Variants in ZNF804B observed in about 807,000 individuals in gnomAD.
The protein encoded by ZNF804B is zinc finger protein 804B, also known as zinc finger 804B.
A neutral mutation model predicts 101.4 loss-of-function variants in ZNF804B; 80 were observed. The observed-to-expected ratio is 0.79, with a 90% CI of 0.66 to 0.95. The LOEUF is 0.95. Ranked by LOEUF, ZNF804B falls within the 40% of genes least tolerant of loss-of-function variation. The pLI is 0.00. For missense variants in ZNF804B, 1,673 were observed against 1,561.9 expected, an observed-to-expected ratio of 1.07 and a Z score of -1.20; for synonymous variants, 622 against 558.8, an observed-to-expected ratio of 1.11 and a Z score of -1.59.
intron 2 of ZNF804B, among the ~76,000 whole-genome samples, chr7:89,290,591 G>A (rs1240891345): frequency 3.9e-5 from 6 of 152,046 alleles, no homozygotes; most frequent in Admixed American, 3.9e-4. Context: ...ACTCCCCGGG[G>A]GTCTGTAGTG....
intron 1 of ZNF804B, among the ~76,000 whole-genome samples, chr7:88,944,011 A>G (rs574427256): frequency 2.0e-4 from 31 of 151,944 alleles, no homozygotes; most frequent in African/African-American, 7.2e-4. Flanking sequence ...TTTGTTAGAC[A>G]TTTAGGTTAT....
intron 1 of ZNF804B, among the ~76,000 whole-genome samples, chr7:89,041,049 C>T (rs555985287): frequency 1.6e-3 from 236 of 151,282 alleles, no homozygotes; most frequent in Non-Finnish European, 2.5e-3. Context: ...CTGGGGTAGG[C>T]CTGAACCCTG....
chr7:89,138,351 G>A (rs541576923), intron 1 of ZNF804B, among the ~76,000 whole-genome samples: 8 of 152,168 alleles, frequency 5.3e-5, no homozygotes, highest in East Asian at 1.9e-4. Context: ...TGTGAGATAC[G>A]GAGTCAAAGG....
intron 1 of ZNF804B, among the ~76,000 whole-genome samples, chr7:89,122,972 C>A (rs1174563709): frequency 6.6e-6 from 1 of 152,068 alleles, no homozygotes; most frequent in Non-Finnish European, 1.5e-5. Flanking sequence ...CTATTGCCAT[C>A]CCAATCTCTA....
chr7:89,335,465 G>C lies in ZNF804B; in HGVS notation c.2483G>C (p.Cys828Ser). ...SGLKSTRIIY[C>S]DSNSQISCTG... ...CTAAAATCTACGAGAATCATCTATT[G>C]TGATTCTAACTCACAGATTTCCTGT... Residue 828 changes from cysteine (C) to serine (S), a missense_variant, in exon 4 of 4, where the codon TGT becomes TCT. By Grantham distance (112) the Cys-to-Ser change is moderately radical. Coordinates refer to ENST00000333190, the MANE Select transcript of ZNF804B (RefSeq NM_181646.5). 6.2e-7 allele frequency: 1 copy of C among 1,613,960 alleles called. No individual in the cohort carries two copies. Among genetic ancestry groups the C allele is most frequent in the Non-Finnish European group, 8.5e-7 (1 of 1,179,962 alleles).
chr7:88,921,874 AATTG>A (rs1019976341), intron 1 of ZNF804B, among the ~76,000 whole-genome samples: 4 of 152,064 alleles, frequency 2.6e-5, no homozygotes, highest in Admixed American at 6.6e-5. Flanking sequence ...ACATTTAAAA[AATTG>A]ATTGGGGTTA....
intron 1 of ZNF804B, among the ~76,000 whole-genome samples, chr7:89,132,468 A>G (rs926269960): frequency 2.6e-5 from 4 of 152,012 alleles, no homozygotes. Context: ...GGACTAGGGA[A>G]GCAGCATAGC....
intron 1 of ZNF804B, among the ~76,000 whole-genome samples, chr7:88,977,918 G>GTA (rs2116126005): frequency 6.6e-6 from 1 of 151,216 alleles, no homozygotes; most frequent in South Asian, 2.1e-4. Context: ...CATAGATTTT[G>GTA]TGTGTTGTGT....
chr7:89,293,345 T>C (rs1359096723), intron 2 of ZNF804B, among the ~76,000 whole-genome samples: 1 of 152,162 alleles, frequency 6.6e-6, no homozygotes, highest in African/African-American at 2.4e-5. Flanking sequence ...CATATATACA[T>C]GTATGAAAAT....
intron 1 of ZNF804B, among the ~76,000 whole-genome samples, chr7:89,118,997 A>AT (rs1003819419): frequency 2.0e-5 from 3 of 152,132 alleles, no homozygotes; most frequent in Admixed American, 6.5e-5. Context: ...TCAAAGTCAG[A>AT]TTTTTTTCAT....
chr7:89,185,586 C>T (rs1788364309), intron 1 of ZNF804B, among the ~76,000 whole-genome samples: 1 of 152,108 alleles, frequency 6.6e-6, no homozygotes, highest in South Asian at 2.1e-4. Context: ...TCTGGTCGGG[C>T]GCGGTGGCTC....
At chr7:89,270,243 T>A (rs1789870273) in intron 2 of ZNF804B, among the ~76,000 whole-genome samples, 1 of 152,188 alleles carries the variant, frequency 6.6e-6, no homozygotes, top group African/African-American at 2.4e-5. Flanking sequence ...AATTTTTGTA[T>A]AAGGTGTAAG....
chr7:88,850,778 CA>C (rs551119164), intron 1 of ZNF804B, among the ~76,000 whole-genome samples: 14 of 151,992 alleles, frequency 9.2e-5, no homozygotes, highest in Non-Finnish European at 2.1e-4. Context: ...ACCAAGCATA[CA>C]AAAAAGCAAG....
intron 1 of ZNF804B, among the ~76,000 whole-genome samples, chr7:89,098,272 ATT>A (rs10717565): frequency 0.031 from 4,366 of 141,478 alleles, 79 homozygotes; most frequent in Non-Finnish European, 0.046. Context: ...CATCATCATA[ATT>A]TTTTTTTTTT....
chr7:88,844,686 A>T (rs1050491657), intron 1 of ZNF804B, among the ~76,000 whole-genome samples: 3 of 152,182 alleles, frequency 2.0e-5, no homozygotes, highest in Non-Finnish European at 4.4e-5. Flanking sequence ...TGATTCCTTC[A>T]TGGTAGATTT....
chr7:88,787,821 CT>C (rs1790325314), intron 1 of ZNF804B, among the ~76,000 whole-genome samples: 2 of 152,074 alleles, frequency 1.3e-5, no homozygotes, highest in Admixed American at 6.6e-5. Flanking sequence ...GCTATACTGT[CT>C]TTATGTTTGA....
At chr7:89,231,996 T>A (rs898427561) in intron 2 of ZNF804B, among the ~76,000 whole-genome samples, 1 of 152,138 alleles carries the variant, frequency 6.6e-6, no homozygotes, top group African/African-American at 2.4e-5. Context: ...TTTTGTGTTC[T>A]GAATCGTAGG....
chr7:89,060,989 T>A (rs770460595), intron 1 of ZNF804B, among the ~76,000 whole-genome samples: 40 of 152,142 alleles, frequency 2.6e-4, no homozygotes, highest in Admixed American at 3.3e-4. Context: ...GTCCTGGTAT[T>A]TCAGATGAAC....
chr7:88,787,535 C>T (rs1790320457), intron 1 of ZNF804B, among the ~76,000 whole-genome samples: 1 of 152,100 alleles, frequency 6.6e-6, no homozygotes, highest in Non-Finnish European at 1.5e-5. Context: ...AGTTTTGTTG[C>T]AGTGAATTTA....
Sources: gnomAD v4.1 joint callset for allele counts (sites outside exome capture counted in the v4.1 genomes callset) on GRCh38, gnomAD v4.1.1 for gene constraint, MANE v1.5 for transcripts, NCBI Gene and HGNC (gene_info 2026-07-23, HGNC 2026-07-21) for gene names.